Variants in RTKN2 observed in about 807,000 individuals in gnomAD.
RTKN2 encodes the protein rhotekin-2.
In RTKN2, 69 loss-of-function variants were observed where a neutral mutation model predicts 71.5. The ratio of observed to expected loss-of-function variants is 0.96; its 90% CI spans 0.79 to 1.18. The LOEUF is 1.18. Among genes scored for constraint, RTKN2 ranks in the 50% most tolerant of loss-of-function variants. RTKN2 has a pLI of 0.00. For synonymous variants in RTKN2, 236 were observed against 236.5 expected (o/e 1.00, Z 0.02); for missense variants, 724 against 719.7 (o/e 1.01, Z -0.07).
chr10:62,216,289 A>G (rs1841767756), intron 9 of RTKN2, among the ~76,000 whole-genome samples: 1 of 152,040 alleles, frequency 6.6e-6, no homozygotes, highest in African/African-American at 2.4e-5. Flanking sequence ...ACACACTTCA[A>G]CTACACCAAA....
chr10:62,232,466 G>A (rs998897396), intron 6 of RTKN2, among the ~76,000 whole-genome samples: 5 of 151,504 alleles, frequency 3.3e-5, no homozygotes, highest in Non-Finnish European at 7.4e-5. Context: ...AGCTGGGGCT[G>A]GGTTTTTGTA....
intron 9 of RTKN2, among the ~76,000 whole-genome samples, chr10:62,210,770 T>C: frequency 6.6e-6 from 1 of 152,182 alleles, no homozygotes; most frequent in Admixed American, 6.5e-5. Flanking sequence ...AATATAATTA[T>C]TTTAAATTTA....
At chr10:62,245,112 T>C (rs1323215229) in intron 3 of RTKN2, among the ~76,000 whole-genome samples, 2 of 152,124 alleles carry the variant, frequency 1.3e-5, no homozygotes, top group African/African-American at 4.8e-5. Context: ...GAGTCAGCCA[T>C]GTATTCATTT....
chr10:62,227,062 T>C (rs1411934618), intron 6 of RTKN2, among the ~76,000 whole-genome samples: 1 of 152,238 alleles, frequency 6.6e-6, no homozygotes. Flanking sequence ...GGGCAGAATA[T>C]GTTATTTTCA....
At chr10:62,245,746 A>G (rs1842466131) in intron 3 of RTKN2, among the ~76,000 whole-genome samples, 1 of 152,092 alleles carries the variant, frequency 6.6e-6, no homozygotes, top group African/African-American at 2.4e-5. Context: ...AATAACAATT[A>G]CTCTACCTAT....
rs1361714960 is a variant in RTKN2 at position 62,193,350 on chromosome 10, A to G, written c.*4558T>C. 1.0e-6 allele frequency: 1 copy of G among 981,422 alleles called. No homozygotes were observed. The highest frequency in any genetic ancestry group is 1.2e-6 in the Non-Finnish European group (1 of 826,394). 60.8% of individuals were successfully genotyped at this position (981,422 alleles called of 1,614,324 possible). ...GCTGGAATTTAAAACACAATTTTCC[A>G]TAAGATCTGGAATGATCTTTTCTAA... On this transcript the variant is annotated 3_prime_UTR_variant, in exon 12 of 12. Coordinates refer to ENST00000373789, the MANE Select transcript of RTKN2 (RefSeq NM_145307.4).
At chr10:62,230,020 T>G (rs1842115001) in intron 6 of RTKN2, among the ~76,000 whole-genome samples, 1 of 152,168 alleles carries the variant, frequency 6.6e-6, no homozygotes, top group Non-Finnish European at 1.5e-5. Context: ...TGCAGTATAA[T>G]TATTGTCTAA....
chr10:62,248,933 C>T (rs1200205177), intron 2 of RTKN2, among the ~76,000 whole-genome samples: 1 of 152,098 alleles, frequency 6.6e-6, no homozygotes, highest in Non-Finnish European at 1.5e-5. Context: ...TATTTGAAAG[C>T]AGGTTATAAA....
chr10:62,223,260 A>G lies in RTKN2; in HGVS notation c.759T>C (p.His253=), dbSNP rs537359786. 7.5e-6 allele frequency: 12 copies of G among 1,604,826 alleles called. No homozygotes were observed. The East Asian group carries it at 2.5e-4, about 33-fold the overall frequency. Residue 253 remains histidine, a synonymous_variant, in exon 7 of 12, where the codon CAT becomes CAC. Coordinates refer to ENST00000373789, the MANE Select transcript of RTKN2 (RefSeq NM_145307.4). ...TACCATTTCCATTAATAGACAGATT[A>G]TGGGTCTTGAAACTATCCTCAGCAC... ...LESAEDSFKT[H]NLSINGNEES...
chr10:62,263,509 A>T (rs1842814708), intron 1 of RTKN2, among the ~76,000 whole-genome samples: 1 of 152,238 alleles, frequency 6.6e-6, no homozygotes, highest in African/African-American at 2.4e-5. Context: ...CTTAGAAAAC[A>T]TACAATAACT....
rs1022163197 is a variant in RTKN2, at chr10:62,196,451, C to T, written c.*1457G>A. The T allele has an allele frequency of 2.5e-5, 25 of 985,236 alleles. No individual in the cohort carries two copies. In the African/African-American group the frequency reaches 4.4e-4, roughly 17 times the overall value. 61.0% of individuals were successfully genotyped at this position (985,236 alleles called of 1,614,324 possible). Reference sequence around the variant, plus strand: ...TCTTACTAGGAGTCCTGGGCAAACACAAAAGTGTCCTGGCAGTTACATCAT... The same window carrying T: ...TCTTACTAGGAGTCCTGGGCAAACATAAAAGTGTCCTGGCAGTTACATCAT... On this transcript the variant is annotated 3_prime_UTR_variant, in exon 12 of 12. Transcript: ENST00000373789.
chr10:62,208,854 TGGTTGTTAAGATGAGTG>T (rs755467096), intron 9 of RTKN2, among the ~76,000 whole-genome samples: 2 of 152,196 alleles, frequency 1.3e-5, no homozygotes, highest in Non-Finnish European at 2.9e-5. Flanking sequence ...TGCTCATCAG[TGGTTGTTAAGATGAGTG>T]GAAGACCTAG....
At chr10:62,265,894 C>A (rs7896953) in intron 1 of RTKN2, among the ~76,000 whole-genome samples, 115,411 of 152,086 alleles carry the variant, frequency 0.76, 43,880 homozygotes, top group East Asian at 0.9. Flanking sequence ...AATGGAAAAT[C>A]ATCAGTGTCG....
intron 3 of RTKN2, 32 bp from the exon 4 acceptor site, chr10:62,241,227 A>C (rs774302115): frequency 7.1e-7 from 1 of 1,410,412 alleles, no homozygotes; most frequent in Non-Finnish European, 9.9e-7. Flanking sequence ...ATGACAAGTA[A>C]TAATTTTGGT....
intron 6 of RTKN2, among the ~76,000 whole-genome samples, chr10:62,235,536 ACAC>A (rs1359407649): frequency 2.0e-5 from 3 of 152,078 alleles, no homozygotes; most frequent in African/African-American, 7.2e-5. Context: ...TGCCTATATG[ACAC>A]CACAAGTGGA....
At chr10:62,200,348 G>C (rs1479801369) in intron 10 of RTKN2, among the ~76,000 whole-genome samples, 1 of 105,822 alleles carries the variant, frequency 9.4e-6, no homozygotes, top group Non-Finnish European at 1.7e-5. Flanking sequence ...GGGCAACAGA[G>C]AGAGACTCCG....
intron 9 of RTKN2, among the ~76,000 whole-genome samples, chr10:62,213,748 T>C (rs986035153): frequency 3.3e-5 from 5 of 152,102 alleles, no homozygotes; most frequent in Non-Finnish European, 5.9e-5. Context: ...ATAATGTAAA[T>C]ATGACAAAAT....
chr10:62,236,307 GA>G, intron 5 of RTKN2, 44 bp from the exon 6 acceptor site: 1 of 1,265,762 alleles, frequency 7.9e-7, no homozygotes. Context: ...TAACTCAGTA[GA>G]AAATAAAATT....
chr10:62,215,538 TCAA>T (rs1841751179), intron 9 of RTKN2, among the ~76,000 whole-genome samples: 1 of 152,006 alleles, frequency 6.6e-6, no homozygotes, highest in Non-Finnish European at 1.5e-5. Flanking sequence ...TAATATTGTA[TCAA>T]CAATAAACAT....
Sources: gnomAD v4.1 joint callset for allele counts (sites outside exome capture counted in the v4.1 genomes callset) on GRCh38, gnomAD v4.1.1 for gene constraint, MANE v1.5 for transcripts, NCBI Gene and HGNC (gene_info 2026-07-23, HGNC 2026-07-21) for gene names.